Variants in PRDM16 observed in about 807,000 individuals in gnomAD.
The protein encoded by PRDM16 is histone-lysine N-methyltransferase PRDM16.
In PRDM16, 23 loss-of-function variants were observed where a neutral mutation model predicts 110.6. The ratio of observed to expected loss-of-function variants is 0.21; its 90% CI spans 0.15 to 0.29. The LOEUF is 0.29. Ranked by LOEUF, PRDM16 falls within the 10% of genes least tolerant of loss-of-function variation. The probability of loss-of-function intolerance (pLI) is 1.00; values close to 1 mark genes in which losing one functional copy is unlikely to be tolerated. For synonymous variants in PRDM16, 799 were observed against 781.8 expected (o/e 1.02, Z -0.37); for missense variants, 1,615 against 1,794.3 (o/e 0.90, Z 1.81).
At chr1:3,218,191 C>T (rs897961686) in intron 2 of PRDM16, among the ~76,000 whole-genome samples, 4 of 152,242 alleles carry the variant, frequency 2.6e-5, no homozygotes, top group African/African-American at 9.6e-5. Context: ...CGGCAGGGAG[C>T]CGCAGGGCTC....
intron 2 of PRDM16, among the ~76,000 whole-genome samples, chr1:3,205,309 C>T (rs553772269): frequency 1.6e-4 from 25 of 152,304 alleles, no homozygotes; most frequent in Admixed American, 1.3e-3. Flanking sequence ...GCACCCACCC[C>T]GCCGGGGAGA....
At chr1:3,113,342 T>C (rs1043097905) in intron 1 of PRDM16, among the ~76,000 whole-genome samples, 3 of 152,170 alleles carry the variant, frequency 2.0e-5, no homozygotes. Flanking sequence ...ATTGTGACCC[T>C]GGAACACAGT....
At chr1:3,324,733 C>T (rs1364479259) in intron 3 of PRDM16, among the ~76,000 whole-genome samples, 2 of 150,756 alleles carry the variant, frequency 1.3e-5, no homozygotes, top group Non-Finnish European at 1.5e-5. Flanking sequence ...CTGATTCCGT[C>T]GTCACCCCCC....
At chr1:3,324,178 G>A (rs1205103894) in intron 3 of PRDM16, among the ~76,000 whole-genome samples, 1 of 151,950 alleles carries the variant, frequency 6.6e-6, no homozygotes, top group East Asian at 1.9e-4. Context: ...CTCTCCCTCC[G>A]TCTCTCCCCA....
chr1:3,105,836 C>A lies in PRDM16; in HGVS notation c.37+36540C>A, dbSNP rs573550934. ...TCCCCCTGCGGCGCCCCAGACAGGA[C>A]AGGAAACAGGCGAGAGGCCAGGGCA... On this transcript the variant is annotated intron_variant, in intron 1 of 16. Coordinates refer to ENST00000270722, the MANE Select transcript of PRDM16 (RefSeq NM_022114.4). 7.5e-4 allele frequency among the ~76,000 whole-genome samples: 115 copies of A among 152,346 alleles called. 1 individual carries two copies. Among genetic ancestry groups the A allele is most frequent in the Admixed American group, 1.4e-3 (21 of 15,308 alleles).
At chr1:3,324,960 A>C (rs1366594120) in intron 3 of PRDM16, among the ~76,000 whole-genome samples, 4 of 151,980 alleles carry the variant, frequency 2.6e-5, no homozygotes, top group Non-Finnish European at 4.4e-5. Context: ...TCCTGGGGGG[A>C]GGATGCACGC....
Position 3,090,567 on chromosome 1 carries a change from T to C in PRDM16, c.37+21271T>C, listed in dbSNP as rs529736443. ...CTGGGCTCCCTGTGCTCTCTCCAGG[T>C]GTGGGTCCCTGCTAAGAGGCAGATT... is the stretch of plus-strand genomic sequence containing the variant. On this transcript the variant is annotated intron_variant, in intron 1 of 16. Transcript: ENST00000270722. 2.0e-5 allele frequency among the ~76,000 whole-genome samples: 3 copies of C among 152,324 alleles called. No individual in the cohort carries two copies. The South Asian group carries it at 6.2e-4, about 32-fold the overall frequency.
intron 1 of PRDM16, among the ~76,000 whole-genome samples, chr1:3,106,798 G>A (rs1642668106): frequency 6.6e-6 from 1 of 152,200 alleles, no homozygotes; most frequent in African/African-American, 2.4e-5. Context: ...TGCTGGGCTG[G>A]CATTGGAAGG....
In PRDM16 at chr1:3,425,583, G is replaced by A; in HGVS notation, c.2942G>A (p.Cys981Tyr). 1 of 1,613,730 alleles carries A rather than the reference G, an allele frequency of 6.2e-7. No individual in the cohort carries two copies. The change falls in exon 13 of 17, where the codon TGT becomes TAT. Residue 981 changes from cysteine to tyrosine, a missense_variant and splice_region_variant. Physicochemically the swap from Cys to Tyr is radical, Grantham distance 194 (BLOSUM62 -2). Around this residue, in one of 5 missense-constraint regions of PRDM16, gnomAD observed 18 missense variants for 75.2 expected, o/e 0.24. Coordinates refer to ENST00000270722, the MANE Select transcript of PRDM16 (RefSeq NM_022114.4). The surrounding 1 kb of genome is among the most constrained non-coding windows in gnomAD (Gnocchi z 6.9). ...AGGAGCGCGTGTGCCCCTTCCAGGT[G>A]TAAGTACTGCGACCGCTCCTTCAGC... is the stretch of plus-strand genomic sequence containing the variant. The part of the protein sequence containing the change: ...RTHTGEQPYR[C>Y]KYCDRSFSIS...
chr1:3,195,442 C>A (rs1638450855), intron 2 of PRDM16, among the ~76,000 whole-genome samples: 1 of 152,226 alleles, frequency 6.6e-6, no homozygotes, highest in African/African-American at 2.4e-5. Flanking sequence ...AACTCCGCTG[C>A]AGCCCAGCAG....
intron 4 of PRDM16, among the ~76,000 whole-genome samples, chr1:3,389,637 G>A (rs1643263561): frequency 6.6e-6 from 1 of 152,222 alleles, no homozygotes; most frequent in Non-Finnish European, 1.5e-5. Context: ...GGGGACTTGT[G>A]GTTTTCTATT....
rs1199445169 is a variant in PRDM16 at position 3,394,114 on chromosome 1, G to A, written c.574-2377G>A. 3.3e-5 allele frequency among the ~76,000 whole-genome samples: 5 copies of A among 152,020 alleles called. No homozygotes were observed. The East Asian group carries it at 7.8e-4, about 24-fold the overall frequency. On this transcript the variant is annotated intron_variant, in intron 4 of 16. Transcript: ENST00000270722. ...AGGAGACACCGGGGGCCCTCGGATT[G>A]GGGGAAGAGGTGGGGGAAGGGGTTT...
Position 3,351,174 on chromosome 1 carries a change from C to T in PRDM16, c.439-33978C>T, listed in dbSNP as rs76861429. Among the ~76,000 whole-genome samples, 20 of 152,260 alleles carry T rather than the reference C, an allele frequency of 1.3e-4. No homozygotes were observed. In the East Asian group the frequency reaches 3.7e-3, roughly 28 times the overall value. On this transcript the variant is annotated intron_variant, in intron 3 of 16. Transcript: ENST00000270722. ...GGGTCTCAGAAGCACCTGCTTCCCA[C>T]GGGGTCCACCCCGGCCCCTGGCCAG... is the stretch of plus-strand genomic sequence containing the variant.
At position 3,417,878 on chromosome 1, in the gene PRDM16, G is replaced by A; in HGVS notation, c.2742G>A (p.Met914Ile). The change falls in exon 11 of 17, where the codon ATG becomes ATA. Residue 914 changes from methionine to isoleucine, a missense_variant. Physicochemically the swap from Met to Ile is conservative, Grantham distance 10. Around this residue, in one of 5 missense-constraint regions of PRDM16, gnomAD observed 772 missense variants for 748.3 expected, o/e 1.03. Transcript: ENST00000270722. ...MTEKLESFAA[M>I]KADSGSSLQP... The stretch of plus-strand genomic sequence containing the variant: ...AGAAGCTGGAGAGCTTTGCAGCCAT[G>A]AAGGCGGACTCGGGCAGCTCCCTGC... 6.2e-6 allele frequency: 10 copies of A among 1,613,848 alleles called. No homozygotes were observed. The highest frequency in any genetic ancestry group is 8.5e-6 in the Non-Finnish European group (10 of 1,179,940).
intron 3 of PRDM16, among the ~76,000 whole-genome samples, chr1:3,314,075 G>GA (rs1001083787): frequency 6.6e-6 from 1 of 151,234 alleles, no homozygotes; most frequent in Non-Finnish European, 1.5e-5. Flanking sequence ...CCCCACCGGG[G>GA]GGGGGGGCGG....
At chr1:3,368,202 A>G (rs1642849039) in intron 3 of PRDM16, among the ~76,000 whole-genome samples, 1 of 152,224 alleles carries the variant, frequency 6.6e-6, no homozygotes, top group African/African-American at 2.4e-5. Flanking sequence ...TGGCTGACGC[A>G]GGCACCTGAC....
chr1:3,248,310 C>T (rs530898662), intron 3 of PRDM16, among the ~76,000 whole-genome samples: 11 of 152,168 alleles, frequency 7.2e-5, no homozygotes, highest in Admixed American at 4.6e-4. Flanking sequence ...TTCCCTTTGT[C>T]CACTTTATCG....
intron 3 of PRDM16, among the ~76,000 whole-genome samples, chr1:3,306,244 G>A (rs974211789): frequency 1.3e-5 from 2 of 152,388 alleles, no homozygotes; most frequent in East Asian, 3.9e-4. Flanking sequence ...GCCATCTGCA[G>A]TGGGCAGTTC....
intron 2 of PRDM16, among the ~76,000 whole-genome samples, chr1:3,204,386 A>T (rs1450945939): frequency 1.3e-5 from 2 of 152,214 alleles, no homozygotes; most frequent in African/African-American, 4.8e-5. Context: ...AAACGACGTC[A>T]TGTGAACATT....
Sources: gnomAD v4.1 joint callset for allele counts (sites outside exome capture counted in the v4.1 genomes callset) on GRCh38, gnomAD v4.1.1 for gene constraint, gnomAD v4.1.1 regional missense constraint, Gnocchi (gnomAD v3.1) non-coding constraint, MANE v1.5 for transcripts, NCBI Gene and HGNC (gene_info 2026-07-23, HGNC 2026-07-21) for gene names.